The following U2SURP variants were observed in gnomAD, a reference collection of about 807,000 sequenced individuals.
U2SURP encodes U2 snRNP-associated SURP motif-containing protein.
In U2SURP, 9 loss-of-function variants were observed where a neutral mutation model predicts 144.9. The ratio of observed to expected loss-of-function variants is 0.06; its 90% confidence interval spans 0.04 to 0.11. The LOEUF (loss-of-function observed/expected upper bound fraction) is 0.11, where lower values mean the gene tolerates loss of function less well. Among genes scored for constraint, U2SURP ranks in the 10% least tolerant of loss-of-function variants. The probability of loss-of-function intolerance (pLI) is 1.00; values close to 1 mark genes in which losing one functional copy is unlikely to be tolerated. For missense variants in U2SURP, 724 were observed against 1,226.7 expected (o/e 0.59, Z 6.12); for synonymous variants, 408 against 396.8 (o/e 1.03, Z -0.33).
At chr3:143,015,409 C>G (rs1936322814) in intron 4 of U2SURP, among the ~76,000 whole-genome samples, 1 of 144,978 alleles carries the variant, frequency 6.9e-6, no homozygotes, top group African/African-American at 2.6e-5. Context: ...ATTTATCAGT[C>G]TTTCCCTATG....
chr3:143,042,256 C>T (rs922759318), intron 23 of U2SURP, among the ~76,000 whole-genome samples: 28 of 151,936 alleles, frequency 1.8e-4, no homozygotes, highest in Non-Finnish European at 2.2e-4. Context: ...ATGTGAATAC[C>T]GGTATTTGCT....
rs1159855334 is a variant in U2SURP, at chr3:143,056,838, A to T, written c.*388A>T. On this transcript the variant is annotated 3_prime_UTR_variant, in exon 28 of 28. Coordinates refer to ENST00000473835, the MANE Select transcript of U2SURP (RefSeq NM_001080415.2). ...AGATTTCAAATAAAATCTGAACAGA[A>T]AACTATAATGTTGTTTTTTTGCCCC... 5.4e-6 allele frequency: 1 copy of T among 184,764 alleles called. No homozygotes were observed. The highest frequency in any genetic ancestry group is 1.2e-5 in the Non-Finnish European group (1 of 86,916). 11.4% of individuals were successfully genotyped at this position (184,764 alleles called of 1,614,324 possible).
chr3:143,037,957 T>C (rs1933901209), intron 21 of U2SURP, 151 bp from the exon 22 acceptor site: 1 of 468,154 alleles, frequency 2.1e-6, no homozygotes, highest in Admixed American at 4.1e-5. Flanking sequence ...AGAGAATTGG[T>C]TTAGTCATAG....
intron 23 of U2SURP, among the ~76,000 whole-genome samples, chr3:143,042,336 G>T (rs1934158499): frequency 6.6e-6 from 1 of 152,130 alleles, no homozygotes; most frequent in South Asian, 2.1e-4. Flanking sequence ...TTTACCAGCT[G>T]TATTGGTTAT....
At chr3:143,034,262 G>T in intron 18 of U2SURP, among the ~76,000 whole-genome samples, 1 of 152,194 alleles carries the variant, frequency 6.6e-6, no homozygotes, top group South Asian at 2.1e-4. Context: ...AGATTAGCTG[G>T]GCGTGGTGGT....
At chr3:143,020,552 T>C (rs921234424) in intron 7 of U2SURP, 47 bp from the exon 8 acceptor site, 1 of 1,323,508 alleles carries the variant, frequency 7.6e-7, no homozygotes, top group African/African-American at 1.4e-5. Context: ...GAAATGTGAA[T>C]GAACAAATTT....
chr3:143,047,881 G>GCCC (rs1934614855), intron 24 of U2SURP, among the ~76,000 whole-genome samples: 1 of 70,812 alleles, frequency 1.4e-5, no homozygotes, highest in African/African-American at 7.0e-5. Flanking sequence ...GCGGGGGGCT[G>GCCC]ACCCCCCCCA....
In U2SURP at chr3:143,019,958, A is replaced by T; in HGVS notation, c.571-11A>T. 6.8e-7 allele frequency: 1 copy of T among 1,467,878 alleles called. No individual in the cohort carries two copies. The allele number at this position is 1,467,878 out of a possible 1,614,324, so 90.9% of individuals were successfully genotyped here. The stretch of plus-strand genomic sequence containing the variant: ...TTTTGTTTGAAGTATAACTTGTCAT[A>T]TCCTTTATAGCCACTTAAAAAAGGA... On this transcript the variant is annotated splice_polypyrimidine_tract_variant and intron_variant, in intron 6 of 27. Transcript: ENST00000473835.
At chr3:143,033,616 T>C (rs894568462) in intron 18 of U2SURP, among the ~76,000 whole-genome samples, 2 of 152,136 alleles carry the variant, frequency 1.3e-5, no homozygotes, top group African/African-American at 4.8e-5. Flanking sequence ...AGCATTTACA[T>C]TGTATTAGGT....
At position 143,010,869 on chromosome 3, in the gene U2SURP, G is replaced by A. The variant is rs753800668; in HGVS notation, c.90+10G>A. The A allele has an allele frequency of 1.3e-6, 2 of 1,599,250 alleles. No homozygotes were observed. Among genetic ancestry groups the A allele is most frequent in the Non-Finnish European group, 1.7e-6 (2 of 1,172,138 alleles). ...ATCTTCAGATGCACATGTGAGTATA[G>A]AAGGCAATCTTTGTCTTTTTTCCTT... On this transcript the variant is annotated intron_variant, in intron 2 of 27. Transcript: ENST00000473835.
intron 18 of U2SURP, 130 bp from the exon 19 acceptor site, chr3:143,034,757 GT>G: frequency 6.4e-6 from 4 of 626,054 alleles, no homozygotes; most frequent in Non-Finnish European, 1.1e-5. Flanking sequence ...TAAACACCTA[GT>G]TTTTGATTTT....
intron 10 of U2SURP, 101 bp from the exon 11 acceptor site, chr3:143,022,396 G>C: frequency 8.7e-7 from 1 of 1,143,336 alleles, no homozygotes; most frequent in Non-Finnish European, 1.2e-6. Context: ...GAAGCACGTT[G>C]CTATGTTGCT....
At chr3:143,006,742 C>CA (rs1560173286) in intron 1 of U2SURP, among the ~76,000 whole-genome samples, 5 of 151,690 alleles carry the variant, frequency 3.3e-5, no homozygotes, top group African/African-American at 2.4e-5. Flanking sequence ...AACTCCGTCT[C>CA]AAAAAAAAGA....
chr3:143,010,647 C>G (rs753174794), intron 1 of U2SURP, among the ~76,000 whole-genome samples, 168 bp from the exon 2 acceptor site: 2 of 152,160 alleles, frequency 1.3e-5, no homozygotes, highest in Non-Finnish European at 2.9e-5. Flanking sequence ...TACACATTTA[C>G]TTTGTATCAC....
At position 143,017,515 on chromosome 3, in the gene U2SURP, G is replaced by A. The variant is rs947409045; in HGVS notation, c.570+540G>A. ...CCAAATGTGGTGAATAAATATGATT[G>A]CATTGAATAGTAAGCCTGGTTTTTT... On this transcript the variant is annotated intron_variant, in intron 6 of 27. Coordinates refer to ENST00000473835, the MANE Select transcript of U2SURP (RefSeq NM_001080415.2). Among the ~76,000 whole-genome samples, 7 of 151,866 alleles carry A rather than the reference G, an allele frequency of 4.6e-5. 1 individual carries two copies. The highest frequency in any genetic ancestry group is 3.9e-4 in the Admixed American group (6 of 15,236).
At position 143,027,135 on chromosome 3, in the gene U2SURP, T is replaced by C; in HGVS notation, c.1275-14T>C. The C allele has an allele frequency of 1.9e-6, 3 of 1,595,516 alleles. No homozygotes were observed. Among genetic ancestry groups the C allele is most frequent in the Non-Finnish European group, 1.7e-6 (2 of 1,163,862 alleles). On this transcript the variant is annotated splice_polypyrimidine_tract_variant and intron_variant, in intron 13 of 27. Coordinates refer to ENST00000473835, the MANE Select transcript of U2SURP (RefSeq NM_001080415.2). ...GGTCTGAATCCATTTTCTTTAACTGTGTTGTTGTTGTAGGAATTTGCTCGC... is the reference window on the plus strand; with the variant it reads ...GGTCTGAATCCATTTTCTTTAACTGCGTTGTTGTTGTAGGAATTTGCTCGC...
At chr3:143,039,156 A>G (rs943656935) in intron 23 of U2SURP, among the ~76,000 whole-genome samples, 196 bp downstream of exon 23, 1 of 151,654 alleles carries the variant, frequency 6.6e-6, no homozygotes. Flanking sequence ...ATCTGGTTTC[A>G]TTTTGCTTTT....
At chr3:143,045,186 C>T (rs902824935) in intron 24 of U2SURP, among the ~76,000 whole-genome samples, 2 of 151,810 alleles carry the variant, frequency 1.3e-5, no homozygotes, top group African/African-American at 4.8e-5. Flanking sequence ...CTGGCTAACA[C>T]GGTGAAACCC....
intron 4 of U2SURP, 120 bp from the exon 5 acceptor site, chr3:143,016,136 GT>G: frequency 1.4e-6 from 1 of 725,072 alleles, no homozygotes; most frequent in South Asian, 1.8e-5. Context: ...GTTATTACTT[GT>G]TAGGACTGCT....
Sources: allele counts gnomAD v4.1 joint callset (sites outside exome capture counted in the v4.1 genomes callset), GRCh38; gene constraint gnomAD v4.1.1; transcripts MANE v1.5; gene names NCBI Gene and HGNC (gene_info 2026-07-23, HGNC 2026-07-21).